The following SGIP1 variants were observed in gnomAD, a reference collection of about 807,000 sequenced individuals.
The protein encoded by SGIP1 is SH3GL interacting endocytic adaptor 1.
A neutral mutation model predicts 107.5 loss-of-function variants in SGIP1; 38 were observed. That is an observed-to-expected ratio of 0.35 (90% CI 0.27 to 0.46). The LOEUF (loss-of-function observed/expected upper bound fraction) is 0.46. SGIP1 is among the 20% of genes least tolerant of loss of function. The pLI is 1.00. For synonymous variants in SGIP1, 365 were observed against 366.1 expected (o/e 1.00, Z 0.03); for missense variants, 929 against 1,019.5 (o/e 0.91, Z 1.21).
chr1:66,577,326 G>T (rs914935477), intron 1 of SGIP1, among the ~76,000 whole-genome samples: 7 of 152,074 alleles, frequency 4.6e-5, no homozygotes, highest in African/African-American at 1.7e-4. Context: ...AAGTATCCAG[G>T]TCTACATCAT....
At chr1:66,689,853 G>A (rs112055339) in intron 16 of SGIP1, among the ~76,000 whole-genome samples, 6 of 152,318 alleles carry the variant, frequency 3.9e-5, no homozygotes, top group East Asian at 1.9e-4. Flanking sequence ...CTGGGCTAAC[G>A]TCTAAAGTCG....
At chr1:66,535,905 C>A (rs371520176) in intron 1 of SGIP1, among the ~76,000 whole-genome samples, 1 of 152,232 alleles carries the variant, frequency 6.6e-6, no homozygotes, top group African/African-American at 2.4e-5. Flanking sequence ...CTTCATATAG[C>A]TTTCTTAAAA....
Position 66,578,730 on chromosome 1 carries a change from G to T in SGIP1, c.10+44362G>T, listed in dbSNP as rs956185483. 3.9e-5 allele frequency among the ~76,000 whole-genome samples: 6 copies of T among 152,168 alleles called. No individual in the cohort carries two copies. The East Asian group carries it at 1.2e-3, about 29-fold the overall frequency. On this transcript the variant is annotated intron_variant, in intron 1 of 24. Transcript: ENST00000371037. Reference sequence around the variant, plus strand: ...CTTGTTGCCTAGACTGGAGTGCAATGGTGCAATCTCAGCTCATCACAATCT... The same window carrying T: ...CTTGTTGCCTAGACTGGAGTGCAATTGTGCAATCTCAGCTCATCACAATCT...
At chr1:66,683,889 G>A (rs2087512882) in intron 15 of SGIP1, among the ~76,000 whole-genome samples, 1 of 151,480 alleles carries the variant, frequency 6.6e-6, no homozygotes, top group African/African-American at 2.4e-5. Context: ...AGTAGAGACA[G>A]GGTTTTCAGT....
rs1261600375 is a variant in SGIP1, at chr1:66,747,033, G to A, written c.*3938G>A. The stretch of plus-strand genomic sequence containing the variant: ...GTTAAACACCGTAACAACACAAAAT[G>A]ATCTACCACATATCAATGTCTTCCA... On this transcript the variant is annotated 3_prime_UTR_variant, in exon 25 of 25. Transcript: ENST00000371037. The A allele has an allele frequency of 1.3e-5, 2 of 152,012 alleles. No homozygotes were observed. The highest frequency in any genetic ancestry group is 1.5e-5 in the Non-Finnish European group (1 of 67,912). 9.4% of individuals were successfully genotyped at this position (152,012 alleles called of 1,614,324 possible).
chr1:66,666,030 T>A (rs2082460336), intron 8 of SGIP1: 1 of 152,224 alleles, frequency 6.6e-6, no homozygotes, highest in Non-Finnish European at 1.5e-5. Flanking sequence ...GGTGTTTTAG[T>A]CATGAAGTCC....
intron 1 of SGIP1, among the ~76,000 whole-genome samples, chr1:66,560,260 T>C (rs2058735701): frequency 6.6e-6 from 1 of 152,042 alleles, no homozygotes; most frequent in Non-Finnish European, 1.5e-5. Flanking sequence ...AATTACAATG[T>C]AGGGCAGAAA....
chr1:66,702,308 A>G (rs529808541), intron 18 of SGIP1, among the ~76,000 whole-genome samples: 1 of 152,320 alleles, frequency 6.6e-6, no homozygotes, highest in South Asian at 2.1e-4. Flanking sequence ...AAAGGGAGTT[A>G]CTATTATGTC....
chr1:66,673,419 ACAACTCT>A, intron 12 of SGIP1, 53 bp downstream of exon 12: 1 of 1,440,410 alleles, frequency 6.9e-7, no homozygotes. Flanking sequence ...TTATTAAAGT[ACAACTCT>A]TCTAGATTAA....
At chr1:66,612,460 G>A (rs1279268526) in intron 1 of SGIP1, among the ~76,000 whole-genome samples, 1 of 152,174 alleles carries the variant, frequency 6.6e-6, no homozygotes, top group Non-Finnish European at 1.5e-5. Flanking sequence ...TATTAACAAA[G>A]GAAGAGAAAG....
intron 19 of SGIP1, among the ~76,000 whole-genome samples, chr1:66,720,379 T>C (rs682896): frequency 0.71 from 107,518 of 152,068 alleles, 39,100 homozygotes; most frequent in African/African-American, 0.79. Context: ...AAGAATTGCT[T>C]TTAATTTTTT....
intron 7 of SGIP1, among the ~76,000 whole-genome samples, chr1:66,656,996 C>T (rs188971807): frequency 1.7e-3 from 261 of 151,754 alleles, no homozygotes; most frequent in Non-Finnish European, 3.3e-3. Context: ...AGCGAGACCC[C>T]GTCTTTACAA....
At chr1:66,702,194 C>G (rs1398066429) in intron 18 of SGIP1, among the ~76,000 whole-genome samples, 1 of 152,142 alleles carries the variant, frequency 6.6e-6, no homozygotes, top group South Asian at 2.1e-4. Context: ...AACAAAGGCT[C>G]TGAGCATTTA....
intron 18 of SGIP1, among the ~76,000 whole-genome samples, chr1:66,714,352 C>T (rs894305329): frequency 6.6e-6 from 1 of 152,128 alleles, no homozygotes; most frequent in Admixed American, 6.6e-5. Context: ...ATAGCATCTG[C>T]TTTACCACTC....
At position 66,631,044 on chromosome 1, in the gene SGIP1, GAAGAAAGAAAGAAAGAAAGAAAGA is replaced by G. The variant is rs373346734; in HGVS notation, c.75-1991_75-1968del. 4.1e-3 allele frequency among the ~76,000 whole-genome samples: 418 copies of G among 102,704 alleles called. 13 individuals are homozygous for G. Among genetic ancestry groups the G allele is most frequent in the Admixed American group, 0.036 (348 of 9,656 alleles). 67.4% of individuals were successfully genotyped at this position (102,704 alleles called of 152,430 possible). A position where few individuals can be genotyped will look rare whatever the true frequency, so the allele number is the denominator to read the frequency against. On this transcript the variant is annotated intron_variant, in intron 2 of 24. Coordinates refer to ENST00000371037, the MANE Select transcript of SGIP1 (RefSeq NM_032291.4). ...AAAGGAAAGGAAGGAAGGAAGAAAG[GAAGAAAGAAAGAAAGAAAGAAAGA>G]AAGAAAGAAAGAAAGAAAGAAAGAA...
intron 1 of SGIP1, among the ~76,000 whole-genome samples, chr1:66,604,090 A>T (rs555610617): frequency 6.6e-6 from 1 of 152,324 alleles, no homozygotes; most frequent in East Asian, 1.9e-4. Context: ...TTTCACTTTC[A>T]TGGTAACCTG....
intron 1 of SGIP1, among the ~76,000 whole-genome samples, chr1:66,546,832 A>G (rs1273125254): frequency 2.6e-5 from 4 of 152,196 alleles, no homozygotes; most frequent in African/African-American, 9.6e-5. Context: ...TTATGAGGAT[A>G]AGACCAAGAA....
intron 18 of SGIP1, among the ~76,000 whole-genome samples, chr1:66,717,987 T>C (rs1034037718): frequency 2.0e-5 from 3 of 152,086 alleles, no homozygotes; most frequent in Non-Finnish European, 4.4e-5. Context: ...TGATACATAG[T>C]AGATATTAGA....
chr1:66,611,794 G>T (rs1448657705), intron 1 of SGIP1, among the ~76,000 whole-genome samples: 1 of 152,188 alleles, frequency 6.6e-6, no homozygotes, highest in African/African-American at 2.4e-5. Context: ...CATCTCGGAG[G>T]ATGTTGGCAC....
Sources: allele counts gnomAD v4.1 joint callset (sites outside exome capture counted in the v4.1 genomes callset), GRCh38; gene constraint gnomAD v4.1.1; transcripts MANE v1.5; gene names NCBI Gene and HGNC (gene_info 2026-07-23, HGNC 2026-07-21).